Variants in ABHD17B observed in about 807,000 individuals in gnomAD.
ABHD17B encodes alpha/beta hydrolase domain-containing protein 17B.
ABHD17B carries 9 observed loss-of-function variants against 26.2 expected under a neutral mutation model. The ratio of observed to expected loss-of-function variants is 0.34; its 90% CI spans 0.21 to 0.60. The LOEUF (loss-of-function observed/expected upper bound fraction) is 0.60. ABHD17B is among the 20% of genes least tolerant of loss of function. The pLI is 0.80. For missense variants in ABHD17B, 224 were observed against 352.1 expected (o/e 0.64, Z 2.91); for synonymous variants, 127 against 122.3 (o/e 1.04, Z -0.25).
At chr9:71,875,934 G>A (rs925230558) in intron 1 of ABHD17B, among the ~76,000 whole-genome samples, 2 of 152,198 alleles carry the variant, frequency 1.3e-5, no homozygotes, top group East Asian at 1.9e-4. Context: ...AGGCAGTGGT[G>A]GAGCCAGGAT....
intron 1 of ABHD17B, among the ~76,000 whole-genome samples, chr9:71,895,301 G>T (rs2132188990): frequency 6.6e-6 from 1 of 152,236 alleles, no homozygotes; most frequent in South Asian, 2.1e-4. Flanking sequence ...GTTAGTAAAT[G>T]GTAAAGCCAG....
At chr9:71,890,662 A>G (rs989189103) in intron 1 of ABHD17B, among the ~76,000 whole-genome samples, 2 of 152,252 alleles carry the variant, frequency 1.3e-5, no homozygotes, top group Non-Finnish European at 2.9e-5. Flanking sequence ...TCCAAGTGTC[A>G]AGGTGTTTAC....
At position 71,874,548 on chromosome 9, in the gene ABHD17B, T is replaced by C; in HGVS notation, c.467+66A>G. The C allele has an allele frequency of 1.5e-6, 2 of 1,347,670 alleles. 1 individual carries two copies. The highest frequency in any genetic ancestry group is 4.8e-5 in the East Asian group (2 of 41,998). The allele number at this position is 1,347,670 out of a possible 1,614,324, so 83.5% of individuals were successfully genotyped here. A position where few individuals can be genotyped will look rare whatever the true frequency, so the allele number is the denominator to read the frequency against. On this transcript the variant is annotated intron_variant, in intron 2 of 3. Transcript: ENST00000333421. ...TATAATAAAAACAGCTTTTATTCTA[T>C]TCTTACACAAGATATTTTTAGCTAA...
At chr9:71,898,803 G>A (rs369624784) in intron 1 of ABHD17B, among the ~76,000 whole-genome samples, 8 of 152,280 alleles carry the variant, frequency 5.3e-5, no homozygotes, top group Admixed American at 2.0e-4. Flanking sequence ...TTTGAGACCA[G>A]CCTGGGCAAC....
chr9:71,889,107 G>C (rs1589223847), intron 1 of ABHD17B, among the ~76,000 whole-genome samples: 1 of 151,250 alleles, frequency 6.6e-6, no homozygotes, highest in African/African-American at 2.4e-5. Flanking sequence ...ACAAGGTTAG[G>C]AGTTCGAGAC....
chr9:71,875,062 T>G lies in ABHD17B; in HGVS notation c.19A>C (p.Ser7Arg). 6.2e-7 allele frequency: 1 copy of G among 1,607,234 alleles called. No homozygotes were observed. The highest frequency in any genetic ancestry group is 8.5e-7 in the Non-Finnish European group (1 of 1,174,842). Residue 7 changes from serine (S) to arginine (R), a missense_variant, in exon 2 of 4, where the codon AGT becomes CGT. Transcript: ENST00000333421. ...CAGCAGAAGAGGCAACATAGCTCAC[T>G]AAATGAAAGATTATTCATGCTCTGA... Reference protein sequence around the residue: MNNLSFSELCCLFCCPP... With the variant: MNNLSFRELCCLFCCPP...
chr9:71,868,289 T>G (rs190876920), intron 3 of ABHD17B, among the ~76,000 whole-genome samples: 41 of 152,282 alleles, frequency 2.7e-4, no homozygotes, highest in African/African-American at 7.2e-4. Context: ...AGCCCTTTAG[T>G]TGATCTGCTA....
At chr9:71,889,561 C>A (rs563017557) in intron 1 of ABHD17B, among the ~76,000 whole-genome samples, 1 of 151,958 alleles carries the variant, frequency 6.6e-6, no homozygotes. Context: ...GATCTGGGAG[C>A]GTATTTGTGC....
chr9:71,897,700 C>G (rs1826999524), intron 1 of ABHD17B, among the ~76,000 whole-genome samples: 1 of 152,164 alleles, frequency 6.6e-6, no homozygotes, highest in African/African-American at 2.4e-5. Flanking sequence ...TACTCTTTAA[C>G]TCTCTTTACA....
At chr9:71,868,945 T>C (rs1826034830) in intron 3 of ABHD17B, among the ~76,000 whole-genome samples, 1 of 152,134 alleles carries the variant, frequency 6.6e-6, no homozygotes, top group Admixed American at 6.5e-5. Context: ...CGCCACGGCC[T>C]CCAAAAGTGC....
At chr9:71,892,078 T>C (rs1353256435) in intron 1 of ABHD17B, among the ~76,000 whole-genome samples, 1 of 152,166 alleles carries the variant, frequency 6.6e-6, no homozygotes, top group African/African-American at 2.4e-5. Context: ...TTCTACAAAG[T>C]GAAAAGCATA....
chr9:71,897,341 C>T (rs1302287759), intron 1 of ABHD17B, among the ~76,000 whole-genome samples: 1 of 151,966 alleles, frequency 6.6e-6, no homozygotes, highest in East Asian at 1.9e-4. Context: ...CCAGCTTGGG[C>T]AACATAGTGT....
chr9:71,890,727 G>T (rs894586935), intron 1 of ABHD17B, among the ~76,000 whole-genome samples: 3 of 152,064 alleles, frequency 2.0e-5, no homozygotes, highest in Non-Finnish European at 2.9e-5. Flanking sequence ...ATTTTCGTTT[G>T]CTTCACATTT....
intron 1 of ABHD17B, among the ~76,000 whole-genome samples, chr9:71,883,975 T>G (rs184127637): frequency 6.6e-6 from 1 of 152,126 alleles, no homozygotes; most frequent in Admixed American, 6.6e-5. Context: ...TGTCCTTTTT[T>G]GGATGAATTC....
At chr9:71,880,780 A>C (rs1314587111) in intron 1 of ABHD17B, among the ~76,000 whole-genome samples, 1 of 152,104 alleles carries the variant, frequency 6.6e-6, no homozygotes, top group Admixed American at 6.5e-5. Flanking sequence ...ATTTTAAATA[A>C]GAACATTAAA....
At chr9:71,887,077 C>CA (rs759883770) in intron 1 of ABHD17B, among the ~76,000 whole-genome samples, 3 of 151,732 alleles carry the variant, frequency 2.0e-5, no homozygotes, top group Non-Finnish European at 2.9e-5. Flanking sequence ...GTAAACTGAA[C>CA]AAACGCCTTA....
At chr9:71,877,500 CT>C (rs1256718174) in intron 1 of ABHD17B, among the ~76,000 whole-genome samples, 1 of 152,248 alleles carries the variant, frequency 6.6e-6, no homozygotes, top group Non-Finnish European at 1.5e-5. Flanking sequence ...TCACTGCAAC[CT>C]CCGCCTCCCA....
chr9:71,867,085 A>T, intron 3 of ABHD17B, 79 bp from the exon 4 acceptor site: 2 of 1,452,106 alleles, frequency 1.4e-6, no homozygotes, highest in Non-Finnish European at 1.9e-6. Context: ...TATCAGACAG[A>T]TAATTCAAAT....
At chr9:71,895,171 T>C (rs1826918717) in intron 1 of ABHD17B, among the ~76,000 whole-genome samples, 1 of 152,244 alleles carries the variant, frequency 6.6e-6, no homozygotes, top group Non-Finnish European at 1.5e-5. Context: ...TTACTAGGTC[T>C]TGCTCCAAGT....
Sources: gnomAD v4.1 joint callset for allele counts (sites outside exome capture counted in the v4.1 genomes callset) on GRCh38, gnomAD v4.1.1 for gene constraint, MANE v1.5 for transcripts, NCBI Gene and HGNC (gene_info 2026-07-23, HGNC 2026-07-21) for gene names.